GAK: variants seen among roughly 807,000 people sequenced by gnomAD.
GAK encodes cyclin G associated kinase.
In GAK, 79 loss-of-function variants were observed where a neutral mutation model predicts 143.9. The ratio of observed to expected loss-of-function variants is 0.55; its 90% CI spans 0.46 to 0.66. The LOEUF is 0.66. GAK is among the 30% of genes least tolerant of loss of function. The pLI, the probability that GAK is intolerant of heterozygous loss-of-function variation, is 0.00. For missense variants in GAK, 1,693 were observed against 1,779.7 expected, an observed-to-expected ratio of 0.95 and a Z score of 0.88; for synonymous variants, 881 against 765.5, an observed-to-expected ratio of 1.15 and a Z score of -2.49.
chr4:903,484 G>A (rs1002966527), intron 5 of GAK, among the ~76,000 whole-genome samples: 1 of 152,166 alleles, frequency 6.6e-6, no homozygotes, highest in African/African-American at 2.4e-5. Flanking sequence ...AGCTCCAAGA[G>A]GCCGAACCAG....
chr4:865,548 C>T (rs1039686470), intron 22 of GAK, among the ~76,000 whole-genome samples: 1 of 152,230 alleles, frequency 6.6e-6, no homozygotes, highest in African/African-American at 2.4e-5. Context: ...GCCGCCATCC[C>T]CACAGCCTGC....
At chr4:862,575 G>A (rs1296022336) in intron 23 of GAK, among the ~76,000 whole-genome samples, 1 of 151,906 alleles carries the variant, frequency 6.6e-6, no homozygotes, top group Non-Finnish European at 1.5e-5. Flanking sequence ...GGAGAATGGT[G>A]TCAACCCGGG....
chr4:899,023 C>T (rs1455030469), intron 5 of GAK, among the ~76,000 whole-genome samples: 1 of 152,366 alleles, frequency 6.6e-6, no homozygotes, highest in South Asian at 2.1e-4. Flanking sequence ...ACGCCAGAGG[C>T]TGCACGCGTG....
intron 24 of GAK, chr4:859,304 C>A: frequency 7.6e-7 from 1 of 1,319,548 alleles, no homozygotes; most frequent in Non-Finnish European, 9.9e-7. Flanking sequence ...CACTTCCATG[C>A]AGAGACCCCG....
chr4:866,228 C>G (rs1751138276), intron 22 of GAK, 136 bp downstream of exon 22: 1 of 832,418 alleles, frequency 1.2e-6, no homozygotes, highest in Non-Finnish European at 1.9e-6. Context: ...GATGCTTGGG[C>G]CGCAAGGAGC....
chr4:890,632 T>C lies in GAK; in HGVS notation c.991-10A>G, dbSNP rs1261440924. The C allele has an allele frequency of 3.7e-6, 6 of 1,605,348 alleles. No individual in the cohort carries two copies. The highest frequency in any genetic ancestry group is 5.1e-6 in the Non-Finnish European group (6 of 1,176,750). On this transcript the variant is annotated splice_polypyrimidine_tract_variant and intron_variant, in intron 9 of 27. Coordinates refer to ENST00000314167, the MANE Select transcript of GAK (RefSeq NM_005255.4). Reference sequence around the variant, plus strand: ...CATTCTGCTCCAGGAGCTGTGACAATGAAAATGCAGAGGTCAGTTCTCTAA... The same window carrying C: ...CATTCTGCTCCAGGAGCTGTGACAACGAAAATGCAGAGGTCAGTTCTCTAA...
Position 849,749 on chromosome 4 carries a change from T to A in GAK, c.3860A>T (p.His1287Leu). The change falls in exon 28 of 28, where the codon CAC becomes CTC. Residue 1287 changes from histidine (H) to leucine (L), a missense_variant. Physicochemically the swap from His to Leu is moderately conservative, Grantham distance 99 (BLOSUM62 -3). Transcript: ENST00000314167. ...DKAAGQPYEQ[H>L]AKMIFMELND... ...CAGCTCCATGAAGATCATCTTGGCG[T>A]GCTGCTCGTACGGCTGCCCCGCAGC... 6.2e-7 allele frequency: 1 copy of A among 1,613,296 alleles called. No individual in the cohort carries two copies.
intron 1 of GAK, chr4:913,874 GC>G (rs1165151976): frequency 5.3e-6 from 2 of 379,908 alleles, no homozygotes; most frequent in East Asian, 5.2e-5. Context: ...AGCGTGCACG[GC>G]CCCCCCACAC....
intron 22 of GAK, 26 bp from the exon 23 acceptor site, chr4:865,270 C>T (rs1245526579): frequency 5.0e-6 from 8 of 1,608,210 alleles, no homozygotes; most frequent in African/African-American, 1.4e-5. Flanking sequence ...CAGAAGAGAG[C>T]ACAGTTTGGT....
chr4:883,545 C>A (rs556521091), intron 12 of GAK, 82 bp from the exon 13 acceptor site: 1 of 1,516,876 alleles, frequency 6.6e-7, no homozygotes, highest in African/African-American at 1.4e-5. Context: ...CTGCTCCTGA[C>A]GCCCCCGGGC....
chr4:872,144 G>C (rs1252439428), intron 18 of GAK: 1 of 152,184 alleles, frequency 6.6e-6, no homozygotes, highest in Non-Finnish European at 1.5e-5. Context: ...ACTTCTCTGA[G>C]CTCCACACAT....
chr4:924,000 C>T (rs900388155), intron 1 of GAK, among the ~76,000 whole-genome samples: 1 of 151,858 alleles, frequency 6.6e-6, no homozygotes, highest in Non-Finnish European at 1.5e-5. Flanking sequence ...GCCTGACCAA[C>T]ATAGTGACAC....
chr4:876,750 G>T, intron 17 of GAK, 141 bp from the exon 18 acceptor site: 1 of 717,878 alleles, frequency 1.4e-6, no homozygotes. Flanking sequence ...GCCACATGTT[G>T]TGGGGGAAGC....
intron 23 of GAK, among the ~76,000 whole-genome samples, chr4:862,351 G>A (rs966267756): frequency 7.9e-5 from 12 of 152,202 alleles, no homozygotes; most frequent in Admixed American, 3.9e-4. Flanking sequence ...GATATAAGAC[G>A]GCCTAAGTCA....
chr4:902,353 C>T (rs890729709), intron 5 of GAK, among the ~76,000 whole-genome samples: 3 of 151,718 alleles, frequency 2.0e-5, no homozygotes, highest in African/African-American at 4.8e-5. Context: ...CACCTGGAAT[C>T]GACCCCTTTC....
intron 1 of GAK, chr4:915,373 G>A (rs1004686567): frequency 2.7e-5 from 5 of 184,266 alleles, no homozygotes; most frequent in Admixed American, 6.2e-5. Flanking sequence ...AAAGACCAAC[G>A]AGACTGATAA....
intron 5 of GAK, among the ~76,000 whole-genome samples, chr4:898,394 G>A (rs560345245): frequency 6.6e-5 from 10 of 152,368 alleles, no homozygotes; most frequent in Admixed American, 2.6e-4. Context: ...CGGGTGGGCC[G>A]GCCTGAGAAG....
At chr4:882,143 G>C in intron 14 of GAK, 103 bp from the exon 15 acceptor site, 1 of 1,269,108 alleles carries the variant, frequency 7.9e-7, no homozygotes. Flanking sequence ...CAGGGACGCA[G>C]GGCTGTTCCT....
intron 5 of GAK, among the ~76,000 whole-genome samples, chr4:900,407 C>T (rs1719649787): frequency 6.6e-6 from 1 of 152,256 alleles, no homozygotes; most frequent in South Asian, 2.1e-4. Flanking sequence ...CGCTGTGGAG[C>T]AGCAGCAAGG....
Sources: gnomAD v4.1 joint callset for allele counts (sites outside exome capture counted in the v4.1 genomes callset) on GRCh38, gnomAD v4.1.1 for gene constraint, MANE v1.5 for transcripts, NCBI Gene and HGNC (gene_info 2026-07-23, HGNC 2026-07-21) for gene names.